The following PKD1 variants were observed in gnomAD, a reference collection of about 807,000 sequenced individuals.
PKD1 encodes the protein polycystin 1, transient receptor potential channel interacting.
Under a neutral mutation model 361.7 loss-of-function variants are expected in PKD1, and 81 were observed. The observed-to-expected ratio is 0.22, with a 90% CI of 0.19 to 0.27. The LOEUF (loss-of-function observed/expected upper bound fraction) is 0.27. PKD1 is among the 10% of genes least tolerant of loss of function. PKD1 has a pLI of 1.00. For synonymous variants in PKD1, 3,615 were observed against 2,818.3 expected, an observed-to-expected ratio of 1.28 and a Z score of -8.95; for missense variants, 6,399 against 6,118.3, an observed-to-expected ratio of 1.05 and a Z score of -1.53.
intron 1 of PKD1, among the ~76,000 whole-genome samples, chr16:2,127,338 A>G (rs955325758): frequency 6.6e-6 from 1 of 152,212 alleles, no homozygotes; most frequent in South Asian, 2.1e-4. Flanking sequence ...GTCAAAAGGC[A>G]CCAATGGGCA....
rs199803853 is a variant in PKD1 at position 2,108,404 on chromosome 16, G to T, written c.6763C>A (p.Arg2255Ser). The T allele has an allele frequency of 4.7e-5, 75 of 1,610,438 alleles. No homozygotes were observed. The highest frequency in any genetic ancestry group is 6.2e-5 in the Non-Finnish European group (73 of 1,179,736). The change falls in exon 15 of 46, where the codon CGC becomes AGC. Residue 2255 changes from arginine (R) to serine (S), a missense_variant. Arg to Ser is a moderately radical substitution (Grantham distance 110). Transcript: ENST00000262304. ...CCACCCTCAATGATGGGCACCAGGC[G>T]CTCGGGGGCCACCGTCACATTGGCC... is the stretch of plus-strand genomic sequence containing the variant. ...IQANVTVAPE[R>S]LVPIIEGGSY...
At chr16:2,094,522 G>A (rs1230674271) in intron 34 of PKD1, among the ~76,000 whole-genome samples, 2 of 152,296 alleles carry the variant, frequency 1.3e-5, no homozygotes, top group East Asian at 3.9e-4. Context: ...GGTGCAATGA[G>A]CCCCCCTTCA....
rs1431756794 is a variant in PKD1, at chr16:2,110,500, C to T, written c.4667G>A (p.Ser1556Asn). ...RRVRGLVVNA[S>N]RTVVPLNGSV... ...CCCATTCAGGGGCACCACCGTGCGG[C>T]TTGCATTGACGACGAGCCCCCGCAC... The change falls in exon 15 of 46, where the codon AGC becomes AAC. Residue 1556 changes from serine (S) to asparagine (N), a missense_variant. Ser to Asn is a conservative substitution (Grantham distance 46, BLOSUM62 1). Transcript: ENST00000262304. The T allele has an allele frequency of 1.2e-6, 2 of 1,612,328 alleles. No individual in the cohort carries two copies. The highest frequency in any genetic ancestry group is 1.7e-5 in the Admixed American group (1 of 60,010).
rs983487784 is a variant in PKD1, at chr16:2,118,090, G to A, written c.902C>T (p.Thr301Ile). Residue 301 changes from threonine (T) to isoleucine (I), a missense_variant, in exon 5 of 46, where the codon ACT (threonine) becomes ATT (isoleucine). By Grantham distance (89) the Thr-to-Ile change is moderately conservative. Transcript: ENST00000262304. This position sits in a 1 kb window ranked among gnomAD's most constrained non-coding sequence, Gnocchi z 6.0. Reference protein sequence around the residue: ...AFHIAAPLPVTATRWDFGDGS... With the variant: ...AFHIAAPLPVIATRWDFGDGS... ...GTCTCCGAAGTCCCAGCGTGTGGCA[G>A]TGACAGGGAGCGGGGCAGCGATGTG... The A allele has an allele frequency of 1.9e-6, 3 of 1,606,968 alleles. No individual in the cohort carries two copies. The African/African-American group carries it at 4.0e-5, about 21-fold the overall frequency.
At chr16:2,107,682 G>T (rs1027361138) in intron 16 of PKD1, 39 of 644,378 alleles carry the variant, frequency 6.1e-5, no homozygotes, top group Non-Finnish European at 9.9e-5. Context: ...GAGCATATGT[G>T]GCTTGAAGAC....
intron 34 of PKD1, 97 bp downstream of exon 34, chr16:2,097,051 C>T (rs376417952): frequency 1.3e-6 from 1 of 743,416 alleles, no homozygotes; most frequent in East Asian, 2.8e-5. Context: ...CCCTGGCACC[C>T]CACCCCACCC....
rs115757579 is a variant in PKD1 at position 2,115,686 on chromosome 16, C to T, written c.1850-61G>A. ...CCCACAGGCCACCGTCAGAGATGCC[C>T]AACTGCCTGCACCAGCAATCCTGGC... On this transcript the variant is annotated intron_variant, in intron 9 of 45. Coordinates refer to ENST00000262304, the MANE Select transcript of PKD1 (RefSeq NM_001009944.3). 4.2e-3 allele frequency: 6,207 copies of T among 1,494,382 alleles called. 224 individuals are homozygous for T. The African/African-American group carries it at 0.072, about 17-fold the overall frequency. The allele number at this position is 1,494,382 out of a possible 1,614,324, so 92.6% of individuals were successfully genotyped here.
At position 2,093,729 on chromosome 16, in the gene PKD1, C is replaced by T. The variant is rs1350417259; in HGVS notation, c.10831G>A (p.Glu3611Lys). 1 of 1,585,262 alleles carries T rather than the reference C, an allele frequency of 6.3e-7. No individual in the cohort carries two copies. Among genetic ancestry groups the T allele is most frequent in the Non-Finnish European group, 8.6e-7 (1 of 1,165,102 alleles). Residue 3611 changes from glutamate (E) to lysine (K), a missense_variant, in exon 37 of 46, where the codon GAA becomes AAA. Transcript: ENST00000262304. ...GCCACCAGTGAGAAGTACAGGGCTT[C>T]CAGCAAGACCTGGGGAGGGGGTGGC... Reference protein sequence around the residue: ...LGWEPLKVLLEALYFSLVAKR... With the variant: ...LGWEPLKVLLKALYFSLVAKR...
chr16:2,094,226 G>A lies in PKD1; in HGVS notation c.10500-16C>T. The A allele has an allele frequency of 6.7e-7, 1 of 1,486,066 alleles. No homozygotes were observed. 92.1% of individuals were successfully genotyped at this position (1,486,066 alleles called of 1,614,324 possible). The stretch of plus-strand genomic sequence containing the variant: ...AGTGCTGGACCTGAGGGACATGGTA[G>A]GCTGTGAATTCATCCCGGCCTCCAG... On this transcript the variant is annotated splice_polypyrimidine_tract_variant and intron_variant, in intron 34 of 45. Coordinates refer to ENST00000262304, the MANE Select transcript of PKD1 (RefSeq NM_001009944.3).
chr16:2,095,959 T>A (rs971046641), intron 34 of PKD1, among the ~76,000 whole-genome samples: 1 of 152,254 alleles, frequency 6.6e-6, no homozygotes, highest in African/African-American at 2.4e-5. Flanking sequence ...GATGCCCTCA[T>A]GTGATGGTTA....
chr16:2,088,727 T>C lies in PKD1; in HGVS notation c.*1000A>G, dbSNP rs1596465818. The C allele has an allele frequency of 1.4e-6, 2 of 1,387,220 alleles. No homozygotes were observed. Among genetic ancestry groups the C allele is most frequent in the African/African-American group, 1.4e-5 (1 of 69,218 alleles). 85.9% of individuals were successfully genotyped at this position (1,387,220 alleles called of 1,614,324 possible). A position where few individuals can be genotyped will look rare whatever the true frequency, so the allele number is the denominator to read the frequency against. ...CACAGATTGCAGTCAGACAGCTCTT[T>C]TATTGACTTTGTCTGCTTGGTGCGG... On this transcript the variant is annotated 3_prime_UTR_variant, in exon 46 of 46. Coordinates refer to ENST00000262304, the MANE Select transcript of PKD1 (RefSeq NM_001009944.3).
chr16:2,124,571 A>C (rs1255995083), intron 1 of PKD1, among the ~76,000 whole-genome samples: 1 of 152,210 alleles, frequency 6.6e-6, no homozygotes. Context: ...CCCAATCCAC[A>C]GCAGAGGGAA....
At position 2,106,566 on chromosome 16, in the gene PKD1, C is replaced by A. The variant is rs376618983; in HGVS notation, c.7321G>T (p.Gly2441Cys). 3.1e-6 allele frequency: 5 copies of A among 1,596,246 alleles called. No homozygotes were observed. The highest frequency in any genetic ancestry group is 3.3e-5 in the Admixed American group (2 of 59,806). ...LVLRRGVLRD[G>C]EGYTFTLTVL... is the part of the protein sequence containing the mutation. ...GTGAGCGTGAAGGTGTATCCCTCGC[C>A]GTCCCGCAGCACGCCCCGCCGCAGC... Residue 2441 changes from glycine to cysteine, a missense_variant, in exon 18 of 46, where the codon GGC becomes TGC. Gly to Cys is a radical substitution (Grantham distance 159). Transcript: ENST00000262304. This position sits in a 1 kb window ranked among gnomAD's most constrained non-coding sequence, Gnocchi z 6.5.
chr16:2,091,432 C>G lies in PKD1; in HGVS notation c.11703G>C (p.Leu3901=). 8.5e-7 allele frequency: 1 copy of G among 1,182,906 alleles called. No homozygotes were observed. Among genetic ancestry groups the G allele is most frequent in the Non-Finnish European group, 1.0e-6 (1 of 954,822 alleles). 73.3% of individuals were successfully genotyped at this position (1,182,906 alleles called of 1,614,324 possible). Residue 3901 remains leucine (L), a synonymous_variant, in exon 42 of 46, where the codon CTG becomes CTC. Transcript: ENST00000262304. The stretch of plus-strand genomic sequence containing the variant: ...CCGGGGACGGGCGTACCGAGGTGAG[C>G]AGAGGCAGCGAGAGGCCCGCGCTGA... ...RRLSAGLSLP[L]LTSVCLLLFA...
In PKD1 at chr16:2,091,121, C is replaced by T. The variant is rs2091498706; in HGVS notation, c.11766G>A (p.Trp3922Ter). 1 of 1,490,818 alleles carries T rather than the reference C, an allele frequency of 6.7e-7. No homozygotes were observed. 92.3% of individuals were successfully genotyped at this position (1,490,818 alleles called of 1,614,324 possible). ...VHFAVAEART[W>*]HREGRWRVLR... ...GCACGCGCCAGCGCCCTTCCCTGTG[C>T]CAAGTACGGGCCTCGGCCACGGCGA... The change falls in exon 43 of 46, where the codon TGG (tryptophan) becomes TGA (stop). Residue 3922 changes from tryptophan to a stop codon, truncating the protein, a stop_gained. Transcript: ENST00000262304. LOFTEE classifies it high-confidence loss of function.
chr16:2,110,295 G>C lies in PKD1; in HGVS notation c.4872C>G (p.Ile1624Met), dbSNP rs142575178. Residue 1624 changes from isoleucine to methionine, a missense_variant, in exon 15 of 46, where the codon ATC becomes ATG. By Grantham distance (10) the Ile-to-Met change is conservative. Transcript: ENST00000262304. ...ENEVGSAQDS[I>M]FVYVLQLIEG... is the part of the protein sequence containing the mutation. ...CTATGAGCTGCAGGACATAGACGAAGATGCTGTCCTGGGCGGAGCCCACCT... is the reference window on the plus strand; with the variant it reads ...CTATGAGCTGCAGGACATAGACGAACATGCTGTCCTGGGCGGAGCCCACCT... 1.9e-6 allele frequency: 3 copies of C among 1,612,654 alleles called. No homozygotes were observed. Among genetic ancestry groups the C allele is most frequent in the South Asian group, 2.2e-5 (2 of 91,080 alleles).
chr16:2,097,535 G>C lies in PKD1; in HGVS notation c.10221-32C>G, dbSNP rs757230370. ...GTGGCGCGGGTCAGCAAGGTACCAG[G>C]GGATGTGTCACACACACAGCCCACC... is the stretch of plus-strand genomic sequence containing the variant. On this transcript the variant is annotated intron_variant, in intron 32 of 45. Coordinates refer to ENST00000262304, the MANE Select transcript of PKD1 (RefSeq NM_001009944.3). 8.7e-6 allele frequency: 14 copies of C among 1,602,644 alleles called. 1 individual carries two copies. The South Asian group carries it at 1.4e-4, about 16-fold the overall frequency.
intron 1 of PKD1, among the ~76,000 whole-genome samples, chr16:2,132,720 T>C (rs2092901863): frequency 6.6e-6 from 1 of 151,616 alleles, no homozygotes; most frequent in Non-Finnish European, 1.5e-5. Context: ...TTGTGTTAGG[T>C]GGGTCTGCAG....
chr16:2,107,509 C>G (rs561819418), intron 16 of PKD1: 2 of 392,160 alleles, frequency 5.1e-6, no homozygotes, highest in East Asian at 5.9e-5. Context: ...CTCAGGGTCA[C>G]CAAGCCTCCT....
Sources: gnomAD v4.1 joint callset for allele counts (sites outside exome capture counted in the v4.1 genomes callset) on GRCh38, gnomAD v4.1.1 for gene constraint, Gnocchi (gnomAD v3.1) non-coding constraint, MANE v1.5 for transcripts, NCBI Gene and HGNC (gene_info 2026-07-23, HGNC 2026-07-21) for gene names.